Variants in APP observed in about 807,000 individuals in gnomAD.
APP encodes the protein amyloid-beta precursor protein.
In APP, 31 loss-of-function variants were observed where a neutral mutation model predicts 101.4. The ratio of observed to expected loss-of-function variants is 0.31; its 90% CI spans 0.23 to 0.41. APP has a LOEUF of 0.41. Among genes scored for constraint, APP ranks in the 10% least tolerant of loss-of-function variants. The pLI is 1.00. For synonymous variants in APP, 366 were observed against 364.4 expected, an observed-to-expected ratio of 1.00 and a Z score of -0.05; for missense variants, 839 against 1,003.7, an observed-to-expected ratio of 0.84 and a Z score of 2.22.
At chr21:26,024,325 G>A (rs1464454571) in intron 5 of APP, among the ~76,000 whole-genome samples, 5 of 152,026 alleles carry the variant, frequency 3.3e-5, no homozygotes, top group Non-Finnish European at 7.4e-5. Context: ...AAAAAAAAGC[G>A]AGAGGGAGAA....
intron 14 of APP, among the ~76,000 whole-genome samples, chr21:25,906,233 T>G (rs2038782985): frequency 6.6e-6 from 1 of 152,214 alleles, no homozygotes; most frequent in African/African-American, 2.4e-5. Flanking sequence ...AGAAAATATT[T>G]CCGGGAGCAC....
chr21:25,955,931 C>T lies in APP; in HGVS notation c.1459-176G>A, dbSNP rs45615533. On this transcript the variant is annotated intron_variant, in intron 11 of 17. Coordinates refer to ENST00000346798, the MANE Select transcript of APP (RefSeq NM_000484.4). ...CTACTCCTTTCTTAATGGGTAATTA[C>T]TTAGATCGGCTGCTTTTCACTTCCA... Among the ~76,000 whole-genome samples the T allele has an allele frequency of 1.1e-3, 170 of 152,296 alleles. 1 individual carries two copies. The highest frequency in any genetic ancestry group is 3.8e-3 in the African/African-American group (159 of 41,550).
intron 13 of APP, among the ~76,000 whole-genome samples, chr21:25,926,686 GA>G (rs1464381839): frequency 3.9e-5 from 6 of 152,044 alleles, no homozygotes; most frequent in East Asian, 1.9e-4. Context: ...ACTGTTCCAT[GA>G]AAAGTTCCAT....
At chr21:26,053,519 C>A in intron 3 of APP, 171 bp from the exon 4 acceptor site, 2 of 561,526 alleles carry the variant, frequency 3.6e-6, no homozygotes, top group Non-Finnish European at 6.5e-6. Flanking sequence ...CCTCCTTAAG[C>A]AACTCCGTTT....
intron 6 of APP, among the ~76,000 whole-genome samples, chr21:26,007,263 T>C (rs2043570981): frequency 6.6e-6 from 1 of 151,010 alleles, no homozygotes. Context: ...GTTACTTCCT[T>C]AATGTAACAG....
intron 3 of APP, 49 bp downstream of exon 3, chr21:26,089,894 T>G: frequency 6.2e-7 from 1 of 1,612,576 alleles, no homozygotes; most frequent in Non-Finnish European, 8.5e-7. Context: ...TTTTCTTCCC[T>G]CAAGACCAGG....
chr21:26,027,850 G>A (rs2146807061), intron 5 of APP, among the ~76,000 whole-genome samples: 1 of 138,026 alleles, frequency 7.2e-6, no homozygotes, highest in Admixed American at 7.8e-5. Flanking sequence ...GGGGCCCTAG[G>A]TTTAAGGCCT....
At chr21:25,976,263 T>C (rs750598313) in intron 9 of APP, among the ~76,000 whole-genome samples, 14 of 152,238 alleles carry the variant, frequency 9.2e-5, no homozygotes, top group Non-Finnish European at 1.6e-4. Flanking sequence ...ATATAGCTTT[T>C]TGAGTCAAGG....
intron 13 of APP, among the ~76,000 whole-genome samples, chr21:25,928,355 A>G (rs1416450830): frequency 3.3e-5 from 5 of 151,260 alleles, no homozygotes; most frequent in African/African-American, 1.2e-4. Flanking sequence ...ACAAACAAAC[A>G]AACAAACAAA....
intron 2 of APP, among the ~76,000 whole-genome samples, chr21:26,097,936 C>T (rs962271855): frequency 4.0e-5 from 6 of 151,598 alleles, no homozygotes; most frequent in Admixed American, 1.3e-4. Context: ...AAAAATTAGC[C>T]GGGCATGGTG....
chr21:25,894,190 C>A (rs1054345188), intron 16 of APP, among the ~76,000 whole-genome samples: 5 of 152,178 alleles, frequency 3.3e-5, no homozygotes, highest in Non-Finnish European at 5.9e-5. Flanking sequence ...CACCTAGTCA[C>A]CCAAGAGCTC....
intron 12 of APP, 34 bp from the exon 13 acceptor site, chr21:25,954,723 T>C (rs1033931375): frequency 4.6e-6 from 7 of 1,532,816 alleles, no homozygotes; most frequent in Non-Finnish European, 2.7e-6. Flanking sequence ...AGGTCAACAA[T>C]GTCTGGGGGT....
intron 2 of APP, among the ~76,000 whole-genome samples, chr21:26,098,863 A>C (rs144057422): frequency 7.6e-4 from 116 of 152,368 alleles, no homozygotes; most frequent in Non-Finnish European, 1.4e-3. Context: ...ATGCTTTAGC[A>C]CATCTTAATT....
chr21:25,887,200 G>C (rs1601275128), intron 17 of APP, among the ~76,000 whole-genome samples: 2 of 152,142 alleles, frequency 1.3e-5, no homozygotes. Context: ...TAAATATCCA[G>C]TGTCTATGTA....
chr21:25,891,808 C>T lies in APP; in HGVS notation c.2125G>A (p.Gly709Ser), dbSNP rs201269325. The T allele has an allele frequency of 3.3e-5, 53 of 1,613,872 alleles. No homozygotes were observed. Among genetic ancestry groups the T allele is most frequent in the Middle Eastern group, 1.6e-4 (1 of 6,084 alleles). Residue 709 changes from glycine (G) to serine (S), a missense_variant, in exon 17 of 18, where the codon GGT becomes AGT. By Grantham distance (56) the Gly-to-Ser change is moderately conservative. Coordinates refer to ENST00000346798, the MANE Select transcript of APP (RefSeq NM_000484.4). ...KGAIIGLMVG[G>S]VVIATVIVIT... ...ACGATCACTGTCGCTATGACAACAC[C>T]GCCCACCATGAGTCCAATGATTGCA...
At chr21:25,940,033 T>G (rs1162524533) in intron 13 of APP, among the ~76,000 whole-genome samples, 2 of 152,180 alleles carry the variant, frequency 1.3e-5, no homozygotes, top group African/African-American at 2.4e-5. Flanking sequence ...ACTGATCGTT[T>G]AGGCTGATGG....
chr21:26,117,685 G>C (rs2062466586), intron 1 of APP, among the ~76,000 whole-genome samples: 1 of 152,158 alleles, frequency 6.6e-6, no homozygotes, highest in Non-Finnish European at 1.5e-5. Flanking sequence ...GTGTGTGTGT[G>C]TGCATGTATT....
intron 5 of APP, among the ~76,000 whole-genome samples, chr21:26,036,982 G>A (rs934777206): frequency 8.2e-6 from 1 of 121,860 alleles, no homozygotes; most frequent in Non-Finnish European, 1.7e-5. Context: ...GTGTGTGTGT[G>A]TGTGTATGTG....
At chr21:25,913,590 ATTAT>A (rs1295080099) in intron 13 of APP, among the ~76,000 whole-genome samples, 1 of 152,214 alleles carries the variant, frequency 6.6e-6, no homozygotes, top group African/African-American at 2.4e-5. Flanking sequence ...AATACTAATA[ATTAT>A]TGGTGCATAC....
Sources: allele counts gnomAD v4.1 joint callset (sites outside exome capture counted in the v4.1 genomes callset), GRCh38; gene constraint gnomAD v4.1.1; transcripts MANE v1.5; gene names NCBI Gene and HGNC (gene_info 2026-07-23, HGNC 2026-07-21).